Variants in MBD3L1 observed in about 807,000 individuals in gnomAD.
MBD3L1 encodes methyl-CpG binding domain protein 3 like 1, also known as methyl-CpG-binding domain protein 3-like 1.
For missense variants in MBD3L1, 203 were observed against 230.1 expected, an observed-to-expected ratio of 0.88 and a Z score of 0.76; for synonymous variants, 84 against 85.1, an observed-to-expected ratio of 0.99 and a Z score of 0.07.
chr19:8,833,989 A>G (rs1360614204), intron 1 of MBD3L1, among the ~76,000 whole-genome samples: 4 of 151,876 alleles, frequency 2.6e-5, no homozygotes, highest in Non-Finnish European at 5.9e-5. Flanking sequence ...CTCCATCTCA[A>G]AAAACAAAAC....
chr19:8,843,121 T>C lies in MBD3L1; in HGVS notation c.443T>C (p.Leu148Pro). ...TCGCAGCTCCTCTGCAAACAATTTCTGGTTACTGAGGAAGATATCAGGAAA... is the reference window on the plus strand; with the variant it reads ...TCGCAGCTCCTCTGCAAACAATTTCCGGTTACTGAGGAAGATATCAGGAAA... The part of the protein sequence containing the change: ...GISQLLCKQF[L>P]VTEEDIRKQE... The change falls in exon 3 of 3, where the codon CTG becomes CCG. Residue 148 changes from leucine to proline, a missense_variant. Coordinates refer to ENST00000595891, the MANE Select transcript of MBD3L1 (RefSeq NM_001393532.1). 1 of 1,613,726 alleles carries C rather than the reference T, an allele frequency of 6.2e-7. No individual in the cohort carries two copies. Among genetic ancestry groups the C allele is most frequent in the Non-Finnish European group, 8.5e-7 (1 of 1,179,832 alleles).
In MBD3L1 at chr19:8,843,032, C is replaced by T. The variant is rs777051680; in HGVS notation, c.354C>T (p.Pro118=). 2 of 1,614,176 alleles carry T rather than the reference C, an allele frequency of 1.2e-6. No individual in the cohort carries two copies. Among genetic ancestry groups the T allele is most frequent in the South Asian group, 1.1e-5 (1 of 91,076 alleles). ...DLASGLEHSC[P]MPHLACSSDA... is the part of the protein sequence containing the mutation. Reference sequence around the variant, plus strand: ...CCAGTGGTCTGGAGCACTCCTGCCCCATGCCCCACCTTGCCTGCTCTTCAG... The same window carrying T: ...CCAGTGGTCTGGAGCACTCCTGCCCTATGCCCCACCTTGCCTGCTCTTCAG... Residue 118 remains proline, a synonymous_variant, in exon 3 of 3, where the codon CCC becomes CCT. Transcript: ENST00000595891.
At chr19:8,839,185 C>CTTTTT (rs57499698) in intron 1 of MBD3L1, among the ~76,000 whole-genome samples, 23 of 122,114 alleles carry the variant, frequency 1.9e-4, no homozygotes, top group Non-Finnish European at 2.4e-4. Flanking sequence ...CTTTTCTTTT[C>CTTTTT]TTTTTTTTTT....
chr19:8,839,154 T>TAG (rs2044484602), intron 1 of MBD3L1, among the ~76,000 whole-genome samples: 1 of 150,882 alleles, frequency 6.6e-6, no homozygotes, highest in Non-Finnish European at 1.5e-5. Context: ...ACTTGCCCCG[T>TAG]ATTTAGATTT....
chr19:8,839,804 A>C (rs967562713), intron 1 of MBD3L1, among the ~76,000 whole-genome samples: 6 of 152,160 alleles, frequency 3.9e-5, no homozygotes, highest in African/African-American at 1.4e-4. Context: ...GTAGTGGTGA[A>C]GGAGGGGGTC....
chr19:8,841,242 G>C (rs1445135945), intron 2 of MBD3L1, among the ~76,000 whole-genome samples: 3 of 150,432 alleles, frequency 2.0e-5, no homozygotes, highest in African/African-American at 7.4e-5. Flanking sequence ...ATGTTGGCCA[G>C]CCTGGTCTTG....
rs966543749 is a variant in MBD3L1, at chr19:8,837,987, G to A, written c.-106-2928G>A. On this transcript the variant is annotated intron_variant, in intron 1 of 2. Transcript: ENST00000595891. ...GCCCTGGCCAGGCACGGTGGCTCAC[G>A]CCTGTAATCCCAGCACTTTGGGAGG... Among the ~76,000 whole-genome samples, 6 of 151,728 alleles carry A rather than the reference G, an allele frequency of 4.0e-5. No homozygotes were observed. In the East Asian group the frequency reaches 9.7e-4, roughly 25 times the overall value.
intron 1 of MBD3L1, among the ~76,000 whole-genome samples, chr19:8,834,469 G>A (rs759782567): frequency 6.6e-5 from 10 of 151,990 alleles, no homozygotes; most frequent in Admixed American, 1.3e-4. Flanking sequence ...TTAGCTGGGC[G>A]TGGTGGCGGG....
At position 8,832,491 on chromosome 19, in the gene MBD3L1, AAGTTGG is replaced by A. The variant is rs1268126846; in HGVS notation, c.-137_-132del. 1 of 152,584 alleles carries A rather than the reference AAGTTGG, an allele frequency of 6.6e-6. No homozygotes were observed. Among genetic ancestry groups the A allele is most frequent in the African/African-American group, 2.4e-5 (1 of 41,448 alleles). The allele number at this position is 152,584 out of a possible 1,614,324, so 9.5% of individuals were successfully genotyped here. A position where few individuals can be genotyped will look rare whatever the true frequency, so the allele number is the denominator to read the frequency against. Reference sequence around the variant, plus strand: ...TGTTCTAGTTTGCTTAGTGGGCACAAAGTTGGGCCCTGGCCTGGGGCAGTAGCGGGG... The same window carrying A: ...TGTTCTAGTTTGCTTAGTGGGCACAAGCCCTGGCCTGGGGCAGTAGCGGGG... On this transcript the variant is annotated 5_prime_UTR_variant, in exon 1 of 3. Coordinates refer to ENST00000595891, the MANE Select transcript of MBD3L1 (RefSeq NM_001393532.1).
intron 1 of MBD3L1, chr19:8,833,055 G>GGGGGCAGTGGGT (rs1313749627): frequency 6.5e-6 from 1 of 153,054 alleles, no homozygotes; most frequent in African/African-American, 2.4e-5. Context: ...GGCCTGGGGA[G>GGGGGCAGTGGGT]GGGGCAGTGG....
chr19:8,842,318 C>CAAA (rs35231202), intron 2 of MBD3L1, among the ~76,000 whole-genome samples: 25 of 114,210 alleles, frequency 2.2e-4, no homozygotes, highest in African/African-American at 6.6e-4. Context: ...CGGAGTGGGA[C>CAAA]AAAAAAAAAA....
At chr19:8,839,643 A>C (rs2044490764) in intron 1 of MBD3L1, among the ~76,000 whole-genome samples, 1 of 152,164 alleles carries the variant, frequency 6.6e-6, no homozygotes, top group Non-Finnish European at 1.5e-5. Flanking sequence ...CAAAGGGGTC[A>C]TTGTGGCCTT....
rs1005563382 is a variant in MBD3L1, at chr19:8,842,928, T to G, written c.250T>G (p.Ser84Ala). The G allele has an allele frequency of 1.2e-6, 2 of 1,614,114 alleles. No homozygotes were observed. Among genetic ancestry groups the G allele is most frequent in the African/African-American group, 2.7e-5 (2 of 74,938 alleles). ...LQAYSSAGEL[S>A]STLDLANTLQ... is the part of the protein sequence containing the mutation. ...GGCTTACAGCAGTGCAGGAGAACTT[T>G]CAAGCACTTTGGATCTTGCCAATAC... Residue 84 changes from serine (S) to alanine (A), a missense_variant, in exon 3 of 3, where the codon TCA (serine) becomes GCA (alanine). By Grantham distance (99) the Ser-to-Ala change is moderately conservative (BLOSUM62 1). Coordinates refer to ENST00000595891, the MANE Select transcript of MBD3L1 (RefSeq NM_001393532.1).
rs62118934 is a variant in MBD3L1, at chr19:8,836,123, G to A, written c.-107+3601G>A. On this transcript the variant is annotated intron_variant, in intron 1 of 2. Coordinates refer to ENST00000595891, the MANE Select transcript of MBD3L1 (RefSeq NM_001393532.1). ...ACTAAAAACCATTTTACACAAAAGT[G>A]TAAAAACTGTACACTTTAAAAGGTT... Among the ~76,000 whole-genome samples the A allele has an allele frequency of 6.5e-3, 990 of 152,192 alleles. 6 individuals are homozygous for A. Among genetic ancestry groups the A allele is most frequent in the South Asian group, 0.012 (59 of 4,826 alleles).
Position 8,843,275 on chromosome 19 carries a change from A to G in MBD3L1, c.*12A>G. On this transcript the variant is annotated 3_prime_UTR_variant, in exon 3 of 3. Transcript: ENST00000595891. ...CTGAAAAACGCTAAGAAAAAAAGGG[A>G]AGATAGTGCAGATGAAATAAAGTGT... The G allele has an allele frequency of 6.5e-7, 1 of 1,528,934 alleles. No homozygotes were observed. The highest frequency in any genetic ancestry group is 8.8e-7 in the Non-Finnish European group (1 of 1,136,762). 94.7% of individuals were successfully genotyped at this position (1,528,934 alleles called of 1,614,324 possible).
chr19:8,841,795 G>A (rs765123799), intron 2 of MBD3L1, among the ~76,000 whole-genome samples: 1 of 152,068 alleles, frequency 6.6e-6, no homozygotes, highest in East Asian at 1.9e-4. Context: ...GACCTCAAGC[G>A]ATTCGCCTGC....
intron 1 of MBD3L1, among the ~76,000 whole-genome samples, chr19:8,837,335 G>T (rs945009312): frequency 6.6e-6 from 1 of 152,150 alleles, no homozygotes; most frequent in Non-Finnish European, 1.5e-5. Flanking sequence ...AATAAGTACT[G>T]GTGTAGCCGT....
At position 8,843,197 on chromosome 19, in the gene MBD3L1, T is replaced by A. The variant is rs2044530751; in HGVS notation, c.519T>A (p.Ile173=). ...GAGAGAGACTCGCAATAGCACTGAT[T>A]GCGGATGGACTCGCTAATGAGGCAG... ...TVRERLAIAL[I]ADGLANEAEK... Residue 173 remains isoleucine, a synonymous_variant, in exon 3 of 3, where the codon ATT becomes ATA. Transcript: ENST00000595891. 5 of 1,613,040 alleles carry A rather than the reference T, an allele frequency of 3.1e-6. No homozygotes were observed. Among genetic ancestry groups the A allele is most frequent in the Non-Finnish European group, 4.2e-6 (5 of 1,179,596 alleles).
In MBD3L1 at chr19:8,840,895, C is replaced by G. The variant is rs143595620; in HGVS notation, c.-106-20C>G. 3.3e-5 allele frequency: 5 copies of G among 151,952 alleles called. No homozygotes were observed. The highest frequency in any genetic ancestry group is 1.2e-4 in the African/African-American group (5 of 41,404). The allele number at this position is 151,952 out of a possible 1,614,324, so 9.4% of individuals were successfully genotyped here. ...ATAGTGGCACTAAGACGTCATGTCACGTGATTCTTTTTTCAGCAGTGATCA... is the reference window on the plus strand; with the variant it reads ...ATAGTGGCACTAAGACGTCATGTCAGGTGATTCTTTTTTCAGCAGTGATCA... On this transcript the variant is annotated intron_variant, in intron 1 of 2. Transcript: ENST00000595891.
Sources: gnomAD v4.1 joint callset for allele counts (sites outside exome capture counted in the v4.1 genomes callset) on GRCh38, gnomAD v4.1.1 for gene constraint, MANE v1.5 for transcripts, NCBI Gene and HGNC (gene_info 2026-07-23, HGNC 2026-07-21) for gene names.